LDLRAD4: variants seen among roughly 807,000 people sequenced by gnomAD.
LDLRAD4 encodes low-density lipoprotein receptor class A domain-containing protein 4.
A neutral mutation model predicts 17.0 loss-of-function variants in LDLRAD4; 5 were observed. That is an observed-to-expected ratio of 0.29 (90% CI 0.15 to 0.62). The LOEUF is 0.62. Among genes scored for constraint, LDLRAD4 ranks in the 20% least tolerant of loss-of-function variants. LDLRAD4 has a pLI of 0.84. For missense variants in LDLRAD4, 340 were observed against 424.7 expected (o/e 0.80, Z 1.75); for synonymous variants, 168 against 171.8 (o/e 0.98, Z 0.17).
intron 3 of LDLRAD4, among the ~76,000 whole-genome samples, chr18:13,524,534 A>G (rs1266678178): frequency 6.6e-6 from 1 of 152,210 alleles, no homozygotes; most frequent in East Asian, 1.9e-4. Flanking sequence ...TATTACTAAG[A>G]AGGAAAGTTA....
chr18:13,324,157 A>C (rs1156676186), intron 1 of LDLRAD4, among the ~76,000 whole-genome samples: 1 of 142,326 alleles, frequency 7.0e-6, no homozygotes, highest in African/African-American at 2.6e-5. Context: ...TTTTTTTTTG[A>C]GACGGAGTCT....
At chr18:13,482,893 TAA>T (rs999027686) in intron 3 of LDLRAD4, among the ~76,000 whole-genome samples, 6 of 152,176 alleles carry the variant, frequency 3.9e-5, no homozygotes, top group African/African-American at 9.7e-5. Flanking sequence ...TCTCCTATGT[TAA>T]GAGTTAATTT....
intron 3 of LDLRAD4, among the ~76,000 whole-genome samples, chr18:13,564,762 T>G (rs1185809687): frequency 6.6e-6 from 1 of 152,126 alleles, no homozygotes; most frequent in Non-Finnish European, 1.5e-5. Flanking sequence ...GCCTTGGCAG[T>G]GCTCCAGCCC....
intron 1 of LDLRAD4, among the ~76,000 whole-genome samples, chr18:13,329,070 T>TA (rs1385911039): frequency 6.6e-6 from 1 of 152,238 alleles, no homozygotes; most frequent in Non-Finnish European, 1.5e-5. Context: ...CCAGATTTTT[T>TA]AACCCTGTGT....
Position 13,393,410 on chromosome 18 carries a change from T to G in LDLRAD4, c.40+5648T>G, listed in dbSNP as rs536385680. ...AAATGACAAGACCTGGAAGGCATTT[T>G]AGAGAGAACAGCAGGCAGGGACAGC... On this transcript the variant is annotated intron_variant, in intron 2 of 5. Transcript: ENST00000359446. Among the ~76,000 whole-genome samples, 18 of 152,186 alleles carry G rather than the reference T, an allele frequency of 1.2e-4. No homozygotes were observed. In the South Asian group the frequency reaches 3.5e-3, roughly 30 times the overall value.
intron 2 of LDLRAD4, among the ~76,000 whole-genome samples, chr18:13,388,964 G>A (rs1317282960): frequency 1.3e-5 from 2 of 151,538 alleles, no homozygotes; most frequent in South Asian, 2.1e-4. Flanking sequence ...CTGTGTAGAT[G>A]TCTCCCTCTG....
chr18:13,502,059 C>T (rs1398448099), intron 3 of LDLRAD4, among the ~76,000 whole-genome samples: 2 of 152,218 alleles, frequency 1.3e-5, no homozygotes, highest in Non-Finnish European at 2.9e-5. Flanking sequence ...TGTAACGCTG[C>T]AAATTCGCGG....
At chr18:13,610,305 T>TTTTTTTTTTTTTTC (rs1491536129) in intron 3 of LDLRAD4, among the ~76,000 whole-genome samples, 716 of 24,350 alleles carry the variant, frequency 0.029, 233 homozygotes, top group Non-Finnish European at 0.049. Context: ...TTTTTTTTTT[T>TTTTTTTTTTTTTTC]GAGACGGAGT....
At chr18:13,343,950 T>G (rs532418781) in intron 1 of LDLRAD4, among the ~76,000 whole-genome samples, 198 of 152,340 alleles carry the variant, frequency 1.3e-3, no homozygotes, top group African/African-American at 4.4e-3. Context: ...TCTTGTAAAT[T>G]TGCTTGAGTT....
chr18:13,364,496 C>G (rs2083913145), intron 1 of LDLRAD4, among the ~76,000 whole-genome samples: 1 of 152,122 alleles, frequency 6.6e-6, no homozygotes, highest in Non-Finnish European at 1.5e-5. Context: ...TGCCACCACA[C>G]CTGGCTTATT....
chr18:13,547,075 A>G (rs1168026329), intron 3 of LDLRAD4, among the ~76,000 whole-genome samples: 2 of 152,226 alleles, frequency 1.3e-5, no homozygotes, highest in Non-Finnish European at 2.9e-5. Context: ...CCCGATGTTG[A>G]CAAGTAGAGC....
intron 3 of LDLRAD4, among the ~76,000 whole-genome samples, chr18:13,502,870 G>C (rs1205003404): frequency 1.3e-5 from 2 of 152,260 alleles, no homozygotes; most frequent in African/African-American, 4.8e-5. Flanking sequence ...CTGGCTGGCA[G>C]CCACAGGCTG....
At chr18:13,371,302 C>T (rs1030223323) in intron 1 of LDLRAD4, among the ~76,000 whole-genome samples, 5 of 152,192 alleles carry the variant, frequency 3.3e-5, no homozygotes, top group Non-Finnish European at 7.3e-5. Flanking sequence ...GCCATCACCT[C>T]TAAGAATGGG....
chr18:13,468,191 G>T (rs1336002964), intron 3 of LDLRAD4, among the ~76,000 whole-genome samples: 1 of 152,138 alleles, frequency 6.6e-6, no homozygotes, highest in East Asian at 1.9e-4. Flanking sequence ...ATTATTAAGA[G>T]AGTAAAAAGA....
At chr18:13,588,556 C>T (rs2094964942) in intron 3 of LDLRAD4, among the ~76,000 whole-genome samples, 1 of 152,046 alleles carries the variant, frequency 6.6e-6, no homozygotes, top group African/African-American at 2.4e-5. Flanking sequence ...CAGTTTCCTC[C>T]CTTGCCCTTA....
At chr18:13,536,632 C>T (rs1601188717) in intron 3 of LDLRAD4, among the ~76,000 whole-genome samples, 1 of 151,416 alleles carries the variant, frequency 6.6e-6, no homozygotes, top group Non-Finnish European at 1.5e-5. Flanking sequence ...CTTTACTGCA[C>T]TGTTCAGAAC....
chr18:13,644,703 G>A (rs577702891), intron 5 of LDLRAD4: 8 of 163,036 alleles, frequency 4.9e-5, no homozygotes, highest in Non-Finnish European at 1.1e-4. Context: ...TCCTGTCCTC[G>A]TAAGTTATAG....
chr18:13,504,391 A>G (rs1318200363), intron 3 of LDLRAD4, among the ~76,000 whole-genome samples: 1 of 152,256 alleles, frequency 6.6e-6, no homozygotes, highest in Non-Finnish European at 1.5e-5. Context: ...GAACTAAGCC[A>G]TCTAGAATAT....
At chr18:13,476,453 C>T (rs2092941990) in intron 3 of LDLRAD4, among the ~76,000 whole-genome samples, 1 of 151,710 alleles carries the variant, frequency 6.6e-6, no homozygotes, top group African/African-American at 2.4e-5. Flanking sequence ...AGCAAGACCC[C>T]ACCTCTAAAA....
Sources: gnomAD v4.1 joint callset for allele counts (sites outside exome capture counted in the v4.1 genomes callset) on GRCh38, gnomAD v4.1.1 for gene constraint, MANE v1.5 for transcripts, NCBI Gene and HGNC (gene_info 2026-07-23, HGNC 2026-07-21) for gene names.